CFAP97D2: variants seen among roughly 807,000 people sequenced by gnomAD.
CFAP97D2 encodes the protein CFAP97 domain containing 2.
At chr13:114,216,207 C>T (rs2080992586) in intron 4 of CFAP97D2, among the ~76,000 whole-genome samples, 1 of 152,194 alleles carries the variant, frequency 6.6e-6, no homozygotes, top group Non-Finnish European at 1.5e-5. Context: ...CACTCCTTCT[C>T]CAGGGATCTC....
chr13:114,183,165 T>C (rs1220247474), intron 1 of CFAP97D2, among the ~76,000 whole-genome samples: 1 of 152,034 alleles, frequency 6.6e-6, no homozygotes, highest in African/African-American at 2.4e-5. Flanking sequence ...AGATTGTCAT[T>C]ATTTATTTAT....
chr13:114,181,938 T>C (rs2138745420), intron 1 of CFAP97D2, among the ~76,000 whole-genome samples: 1 of 152,046 alleles, frequency 6.6e-6, no homozygotes, highest in Non-Finnish European at 1.5e-5. Flanking sequence ...CCTCCACACC[T>C]GTGGGTATTT....
chr13:114,217,561 A>G (rs2081001119), intron 4 of CFAP97D2, among the ~76,000 whole-genome samples: 1 of 152,232 alleles, frequency 6.6e-6, no homozygotes, highest in Admixed American at 6.5e-5. Context: ...AGCCTGGCAG[A>G]GACACAACAA....
rs538174978 is a variant in CFAP97D2, at chr13:114,211,964, C to T, written c.343C>T (p.Arg115Trp). The stretch of plus-strand genomic sequence containing the variant: ...ACTTCGCAGAGTGCGGAAGAAAACA[C>T]GGCCATTCTGGAAGGAATCACACAC... Residue 115 changes from arginine to tryptophan, a missense_variant, in exon 4 of 5, where the codon CGG (arginine) becomes TGG (tryptophan). Arg to Trp is a moderately radical substitution (Grantham distance 101, BLOSUM62 -3). Transcript: ENST00000646158. The surrounding 1 kb of genome is among the most constrained non-coding windows in gnomAD (Gnocchi z 4.2). 3.2e-4 allele frequency: 126 copies of T among 398,732 alleles called. No individual in the cohort carries two copies. Among genetic ancestry groups the T allele is most frequent in the African/African-American group, 2.3e-3 (110 of 48,730 alleles). The allele number at this position is 398,732 out of a possible 1,614,324, so 24.7% of individuals were successfully genotyped here. A position where few individuals can be genotyped will look rare whatever the true frequency, so the allele number is the denominator to read the frequency against.
chr13:114,213,626 C>A (rs1453467310), intron 4 of CFAP97D2, among the ~76,000 whole-genome samples: 1 of 147,934 alleles, frequency 6.8e-6, no homozygotes, highest in Admixed American at 6.7e-5. Context: ...GATCCTACCC[C>A]TGGACAAGCT....
rs2080854105 is a variant in CFAP97D2, at chr13:114,186,689, A to G, written c.90+7269A>G. Among the ~76,000 whole-genome samples, 1 of 152,228 alleles carries G rather than the reference A, an allele frequency of 6.6e-6. No homozygotes were observed. Among genetic ancestry groups the G allele is most frequent in the African/African-American group, 2.4e-5 (1 of 41,470 alleles). On this transcript the variant is annotated intron_variant, in intron 1 of 4. Coordinates refer to ENST00000646158, the Ensembl canonical transcript of CFAP97D2. This position sits in a 1 kb window ranked among gnomAD's most constrained non-coding sequence, Gnocchi z 4.3. ...GGGCACCACTGCATTCCCCAGTGCCAACTATGGAAGCTTCTTGCAGTATGC... is the reference window on the plus strand; with the variant it reads ...GGGCACCACTGCATTCCCCAGTGCCGACTATGGAAGCTTCTTGCAGTATGC...
At chr13:114,181,610 T>C (rs2080832790) in intron 1 of CFAP97D2, among the ~76,000 whole-genome samples, 1 of 152,180 alleles carries the variant, frequency 6.6e-6, no homozygotes, top group African/African-American at 2.4e-5. Flanking sequence ...GCACTAAAAC[T>C]TGAATGCAAA....
At position 114,217,644 on chromosome 13, in the gene CFAP97D2, G is replaced by T. The variant is rs1477018002; in HGVS notation, c.481-4854G>T. The stretch of plus-strand genomic sequence containing the variant: ...ATCCTCAATAAAATACTGGCAAACC[G>T]AATCCAGCAGCACATCAAAAAGCTT... On this transcript the variant is annotated intron_variant, in intron 4 of 4. Coordinates refer to ENST00000646158, the Ensembl canonical transcript of CFAP97D2. Among the ~76,000 whole-genome samples the T allele has an allele frequency of 1.3e-5, 2 of 152,122 alleles. 1 individual carries two copies. Among genetic ancestry groups the T allele is most frequent in the South Asian group, 4.1e-4 (2 of 4,830 alleles).
At chr13:114,184,240 T>C (rs1254843406) in intron 1 of CFAP97D2, among the ~76,000 whole-genome samples, 1 of 152,178 alleles carries the variant, frequency 6.6e-6, no homozygotes, top group African/African-American at 2.4e-5. Context: ...ATCCAAGGAC[T>C]GTGGGACAAT....
At chr13:114,181,521 G>A (rs2138744954) in intron 1 of CFAP97D2, among the ~76,000 whole-genome samples, 1 of 152,296 alleles carries the variant, frequency 6.6e-6, no homozygotes, top group Non-Finnish European at 1.5e-5. Context: ...GCAAGCTACA[G>A]CAGAAGGGTG....
At chr13:114,215,560 T>C (rs1394929322) in intron 4 of CFAP97D2, 1 of 152,248 alleles carries the variant, frequency 6.6e-6, no homozygotes, top group East Asian at 1.9e-4. Flanking sequence ...TTAGTAAATA[T>C]GGAACTTAAT....
At chr13:114,184,370 G>A (rs2080847617) in intron 1 of CFAP97D2, among the ~76,000 whole-genome samples, 2 of 152,192 alleles carry the variant, frequency 1.3e-5, no homozygotes, top group African/African-American at 4.8e-5. Context: ...CAGACACCAA[G>A]CCACAGATCC....
At chr13:114,218,647 C>T (rs2081006363) in intron 4 of CFAP97D2, among the ~76,000 whole-genome samples, 1 of 152,072 alleles carries the variant, frequency 6.6e-6, no homozygotes. Flanking sequence ...CTACAGTAAC[C>T]AAAACAGCAT....
chr13:114,202,823 C>T (rs118184992), intron 3 of CFAP97D2, among the ~76,000 whole-genome samples: 4,850 of 152,252 alleles, frequency 0.032, 115 homozygotes, highest in Non-Finnish European at 0.053. Context: ...CCAAGATCCC[C>T]TTGGTCTGGT....
rs1341589806 is a variant in CFAP97D2 at position 114,194,864 on chromosome 13, C to A, written c.91-1532C>A. 2.6e-5 allele frequency among the ~76,000 whole-genome samples: 4 copies of A among 152,290 alleles called. No homozygotes were observed. In the East Asian group the frequency reaches 7.7e-4, roughly 29 times the overall value. ...TTTAATAACAGTTATGTTCTCAAAT[C>A]TTTATCTGGAGCTTGAAGAAACTTG... On this transcript the variant is annotated intron_variant, in intron 1 of 4. Transcript: ENST00000646158.
At chr13:114,201,665 T>C (rs2138771151) in intron 3 of CFAP97D2, among the ~76,000 whole-genome samples, 1 of 152,368 alleles carries the variant, frequency 6.6e-6, no homozygotes, top group South Asian at 2.1e-4. Flanking sequence ...TTGACTCCAT[T>C]CTTTAACAAA....
At chr13:114,194,460 A>T (rs2080879006) in intron 1 of CFAP97D2, among the ~76,000 whole-genome samples, 1 of 152,224 alleles carries the variant, frequency 6.6e-6, no homozygotes, top group African/African-American at 2.4e-5. Context: ...CATTAGACGT[A>T]AAAGATGTAC....
At chr13:114,220,221 T>TG (rs2081015163) in intron 4 of CFAP97D2, among the ~76,000 whole-genome samples, 1 of 152,106 alleles carries the variant, frequency 6.6e-6, no homozygotes, top group Non-Finnish European at 1.5e-5. Context: ...TTCGGCCAGC[T>TG]GCCAGACCTT....
intron 1 of CFAP97D2, among the ~76,000 whole-genome samples, chr13:114,193,263 A>G (rs2080875604): frequency 6.6e-6 from 1 of 152,254 alleles, no homozygotes; most frequent in Non-Finnish European, 1.5e-5. Flanking sequence ...AAAGATAATT[A>G]GGGCAGAATA....
Sources: gnomAD v4.1 joint callset for allele counts (sites outside exome capture counted in the v4.1 genomes callset) on GRCh38, gnomAD v4.1.1 for gene constraint, Gnocchi (gnomAD v3.1) non-coding constraint, MANE v1.5 for transcripts, NCBI Gene and HGNC (gene_info 2026-07-23, HGNC 2026-07-21) for gene names.